Variants in NRG1 observed in about 807,000 individuals in gnomAD.
NRG1 encodes the protein neuregulin 1, also known as pro-neuregulin-1, membrane-bound isoform.
In NRG1, 18 loss-of-function variants were observed where a neutral mutation model predicts 63.8. The observed-to-expected ratio is 0.28, with a 90% CI of 0.19 to 0.42. The LOEUF (loss-of-function observed/expected upper bound fraction) is 0.42. Ranked by LOEUF, NRG1 falls within the 10% of genes least tolerant of loss-of-function variation. The pLI is 1.00. For synonymous variants in NRG1, 302 were observed against 301.3 expected, an observed-to-expected ratio of 1.00 and a Z score of -0.02; for missense variants, 762 against 814.7, an observed-to-expected ratio of 0.94 and a Z score of 0.79.
chr8:31,848,183 A>G (rs888681659), intron 1 of NRG1, among the ~76,000 whole-genome samples: 3 of 152,160 alleles, frequency 2.0e-5, no homozygotes, highest in Admixed American at 6.5e-5. Flanking sequence ...CTATTTACAT[A>G]CTCTGTGATT....
intron 1 of NRG1, among the ~76,000 whole-genome samples, chr8:31,867,430 C>T (rs191648456): frequency 3.9e-5 from 6 of 152,118 alleles, no homozygotes; most frequent in Non-Finnish European, 8.8e-5. Context: ...ACAATTTGTC[C>T]TTTTGAAATT....
At chr8:32,270,564 T>C (rs760876980) in intron 1 of NRG1, among the ~76,000 whole-genome samples, 2 of 152,236 alleles carry the variant, frequency 1.3e-5, no homozygotes, top group Non-Finnish European at 2.9e-5. Context: ...CTTCTAAAAA[T>C]GGACATTGTT....
intron 1 of NRG1, among the ~76,000 whole-genome samples, chr8:31,997,912 A>C (rs1414466723): frequency 1.3e-5 from 2 of 152,058 alleles, no homozygotes; most frequent in African/African-American, 4.8e-5. Flanking sequence ...TAACTTGCTC[A>C]GGAAGGCATA....
chr8:32,663,351 G>A (rs569768942), intron 5 of NRG1, among the ~76,000 whole-genome samples: 23 of 151,874 alleles, frequency 1.5e-4, no homozygotes, highest in South Asian at 4.2e-4. Flanking sequence ...TTTTCCACCC[G>A]TTTCCCATGT....
intron 1 of NRG1, among the ~76,000 whole-genome samples, chr8:32,410,963 C>T (rs1211517623): frequency 6.6e-6 from 1 of 151,646 alleles, no homozygotes; most frequent in Admixed American, 6.6e-5. Flanking sequence ...GCAACCTCCA[C>T]CTCCTGGGTT....
At chr8:32,351,634 T>G (rs1397833911) in intron 1 of NRG1, among the ~76,000 whole-genome samples, 1 of 152,158 alleles carries the variant, frequency 6.6e-6, no homozygotes, top group African/African-American at 2.4e-5. Flanking sequence ...TCTCTCCGTC[T>G]GAGGGGTCCC....
intron 1 of NRG1, among the ~76,000 whole-genome samples, chr8:32,053,311 G>T (rs780631953): frequency 6.6e-6 from 1 of 152,076 alleles, no homozygotes; most frequent in Non-Finnish European, 1.5e-5. Flanking sequence ...GCCGATACAC[G>T]CTTCACAAGC....
chr8:32,162,617 G>A (rs1243085229), intron 1 of NRG1, among the ~76,000 whole-genome samples: 1 of 151,984 alleles, frequency 6.6e-6, no homozygotes, highest in East Asian at 1.9e-4. Flanking sequence ...CCATCCAGGG[G>A]AAATATTTGC....
chr8:31,701,079 T>A (rs1472322439), intron 1 of NRG1, among the ~76,000 whole-genome samples: 1 of 152,172 alleles, frequency 6.6e-6, no homozygotes, highest in African/African-American at 2.4e-5. Flanking sequence ...TGAATTCAGA[T>A]ACTTCCTATT....
intron 1 of NRG1, among the ~76,000 whole-genome samples, chr8:32,281,810 C>T (rs1424960636): frequency 6.6e-6 from 1 of 151,984 alleles, no homozygotes; most frequent in Non-Finnish European, 1.5e-5. Context: ...GTGAGACCCC[C>T]CCCATCTCTT....
chr8:32,739,757 T>C (rs1303404074), intron 6 of NRG1, among the ~76,000 whole-genome samples: 1 of 152,198 alleles, frequency 6.6e-6, no homozygotes, highest in Non-Finnish European at 1.5e-5. Flanking sequence ...GTTAATTTAA[T>C]GATTCTTACT....
At chr8:32,334,472 C>T (rs1404221931) in intron 1 of NRG1, among the ~76,000 whole-genome samples, 1 of 152,132 alleles carries the variant, frequency 6.6e-6, no homozygotes, top group African/African-American at 2.4e-5. Flanking sequence ...AAAGGCTCTC[C>T]AAGGTTTGCC....
At chr8:32,146,098 A>T (rs1836843560) in intron 1 of NRG1, among the ~76,000 whole-genome samples, 1 of 152,180 alleles carries the variant, frequency 6.6e-6, no homozygotes, top group African/African-American at 2.4e-5. Flanking sequence ...GGGAAATCTA[A>T]TTGCCCAGTG....
intron 11 of NRG1, chr8:32,763,346 T>C (rs1831057773): frequency 6.2e-7 from 1 of 1,613,882 alleles, no homozygotes; most frequent in Admixed American, 1.7e-5. Flanking sequence ...TAAGACCCCT[T>C]GGCCTTTAGG....
chr8:32,557,243 G>T (rs1339835744), intron 1 of NRG1, among the ~76,000 whole-genome samples: 3 of 152,238 alleles, frequency 2.0e-5, no homozygotes, highest in Middle Eastern at 3.4e-3. Context: ...TCCTGACCTT[G>T]TGATTAACCC....
intron 1 of NRG1, among the ~76,000 whole-genome samples, chr8:31,854,499 T>C (rs1317890317): frequency 6.6e-6 from 1 of 151,796 alleles, no homozygotes; most frequent in African/African-American, 2.4e-5. Flanking sequence ...GATTCTTCTC[T>C]CTTTTTTTCT....
chr8:31,848,454 C>A (rs1005169285), intron 1 of NRG1, among the ~76,000 whole-genome samples: 1 of 152,142 alleles, frequency 6.6e-6, no homozygotes, highest in African/African-American at 2.4e-5. Context: ...TTGGGCAATG[C>A]TGTTTACATA....
At position 31,928,352 on chromosome 8, in the gene NRG1, T is replaced by TAAAAAAA. The variant is rs77001238; in HGVS notation, c.37+288940_37+288946dup. On this transcript the variant is annotated intron_variant, in intron 1 of 10. Transcript: ENST00000519301. The stretch of plus-strand genomic sequence containing the variant: ...AACATAGATTTTGGCATGGATGTGG[T>TAAAAAAA]AAAAAAAAAAAAAAAAAAAAAAAAA... Among the ~76,000 whole-genome samples the TAAAAAAA allele has an allele frequency of 1.2e-3, 94 of 80,110 alleles. 1 individual carries two copies. The highest frequency in any genetic ancestry group is 4.6e-3 in the African/African-American group (92 of 20,212). 52.6% of individuals were successfully genotyped at this position (80,110 alleles called of 152,430 possible). A position where few individuals can be genotyped will look rare whatever the true frequency, so the allele number is the denominator to read the frequency against.
chr8:32,579,955 G>A (rs1840349274), intron 1 of NRG1, among the ~76,000 whole-genome samples: 1 of 152,116 alleles, frequency 6.6e-6, no homozygotes, highest in African/African-American at 2.4e-5. Context: ...CCAACAACAT[G>A]ACATCTCTGA....
Sources: allele counts gnomAD v4.1 joint callset (sites outside exome capture counted in the v4.1 genomes callset), GRCh38; gene constraint gnomAD v4.1.1; transcripts MANE v1.5; gene names NCBI Gene and HGNC (gene_info 2026-07-23, HGNC 2026-07-21).